Variants in GCNT2 observed in about 807,000 individuals in gnomAD.
The protein encoded by GCNT2 is N-acetyllactosaminide beta-1,6-N-acetylglucosaminyl-transferase.
In GCNT2, 34 loss-of-function variants were observed where a neutral mutation model predicts 34.2. The observed-to-expected ratio is 1.00, with a 90% CI of 0.76 to 1.32. The LOEUF (loss-of-function observed/expected upper bound fraction) is 1.32. Among genes scored for constraint, GCNT2 ranks in the 40% most tolerant of loss-of-function variants. The pLI, the probability that GCNT2 is intolerant of heterozygous loss-of-function variation, is 0.00. For synonymous variants in GCNT2, 212 were observed against 188.0 expected (o/e 1.13, Z -1.04); for missense variants, 584 against 489.4 (o/e 1.19, Z -1.82).
intron 3 of GCNT2, among the ~76,000 whole-genome samples, chr6:10,620,742 C>G (rs1359565600): frequency 2.0e-5 from 3 of 152,094 alleles, no homozygotes; most frequent in Non-Finnish European, 4.4e-5. Flanking sequence ...ATTAAATAGA[C>G]CCTTCAATCT....
chr6:10,617,504 A>G (rs1581489884), intron 3 of GCNT2, among the ~76,000 whole-genome samples: 3 of 152,316 alleles, frequency 2.0e-5, no homozygotes, highest in African/African-American at 7.2e-5. Context: ...AAGTGGGGCC[A>G]GAGTGGGTGC....
chr6:10,602,623 A>T (rs1342804840), intron 3 of GCNT2, among the ~76,000 whole-genome samples: 1 of 151,906 alleles, frequency 6.6e-6, no homozygotes, highest in Non-Finnish European at 1.5e-5. Context: ...ACAACTTTTG[A>T]CCTGTCTCGG....
intron 3 of GCNT2, among the ~76,000 whole-genome samples, chr6:10,602,702 C>T (rs1231963539): frequency 6.6e-6 from 1 of 152,158 alleles, no homozygotes; most frequent in Non-Finnish European, 1.5e-5. Flanking sequence ...GCTGCTCGTA[C>T]ATGGAATTGG....
At chr6:10,560,749 T>C (rs1373224390) in intron 3 of GCNT2, among the ~76,000 whole-genome samples, 1 of 152,170 alleles carries the variant, frequency 6.6e-6, no homozygotes, top group Non-Finnish European at 1.5e-5. Flanking sequence ...CTTTTTTTTT[T>C]CTTGGTGCCT....
intron 3 of GCNT2, among the ~76,000 whole-genome samples, chr6:10,534,298 C>T (rs572936117): frequency 2.4e-4 from 37 of 152,048 alleles, no homozygotes; most frequent in African/African-American, 8.4e-4. Context: ...CATGACACCA[C>T]GCTTGGCTAA....
intron 3 of GCNT2, chr6:10,586,577 C>T: frequency 6.2e-7 from 1 of 1,614,114 alleles, no homozygotes; most frequent in South Asian, 1.1e-5. Context: ...AAGACTTCCC[C>T]CTGAAAACCA....
intron 3 of GCNT2, among the ~76,000 whole-genome samples, chr6:10,595,582 T>G (rs1440865242): frequency 6.6e-6 from 1 of 152,130 alleles, no homozygotes; most frequent in Non-Finnish European, 1.5e-5. Flanking sequence ...GCCGGTTGGT[T>G]GGGTTGCTTT....
At position 10,529,121 on chromosome 6, in the gene GCNT2, T is replaced by G; in HGVS notation, c.210T>G (p.Asp70Glu). ...AAAATGCATTGAAAACTACCCTTGA[T>G]GAAGCTACCTGCTATGAGTACATGG... Reference protein sequence around the residue: ...PTENALKTTLDEATCYEYMVR... With the variant: ...PTENALKTTLEEATCYEYMVR... Residue 70 changes from aspartate to glutamate, a missense_variant, in exon 3 of 5, where the codon GAT becomes GAG. By Grantham distance (45) the Asp-to-Glu change is conservative. Transcript: ENST00000495262. 6.2e-7 allele frequency: 1 copy of G among 1,614,128 alleles called. No homozygotes were observed. Among genetic ancestry groups the G allele is most frequent in the South Asian group, 1.1e-5 (1 of 91,074 alleles).
At chr6:10,624,374 G>C (rs572027922) in intron 4 of GCNT2, among the ~76,000 whole-genome samples, 1 of 152,092 alleles carries the variant, frequency 6.6e-6, no homozygotes, top group Non-Finnish European at 1.5e-5. Context: ...AAAACAGAAT[G>C]AGAGCCAAGA....
chr6:10,610,406 A>G (rs1338839594), intron 3 of GCNT2, among the ~76,000 whole-genome samples: 1 of 152,200 alleles, frequency 6.6e-6, no homozygotes, highest in Non-Finnish European at 1.5e-5. Flanking sequence ...TATAATTAGA[A>G]GAGTGTTTGA....
rs1766305615 is a variant in GCNT2, at chr6:10,627,382, CAT to C, written c.*777_*778del. Reference sequence around the variant, plus strand: ...TATGCATTCAAGAGAGGTGCTATCACATAGATCTAGTCTGAAGTCTGGAACAC... The same window carrying C: ...TATGCATTCAAGAGAGGTGCTATCACAGATCTAGTCTGAAGTCTGGAACAC... On this transcript the variant is annotated 3_prime_UTR_variant, in exon 5 of 5. Coordinates refer to ENST00000495262, the MANE Select transcript of GCNT2 (RefSeq NM_145649.5). 6.6e-6 allele frequency: 1 copy of C among 152,222 alleles called. No individual in the cohort carries two copies. The highest frequency in any genetic ancestry group is 2.4e-5 in the African/African-American group (1 of 41,436). 9.4% of individuals were successfully genotyped at this position (152,222 alleles called of 1,614,324 possible).
chr6:10,579,830 A>AC (rs1554133180), intron 3 of GCNT2, among the ~76,000 whole-genome samples: 6 of 112,020 alleles, frequency 5.4e-5, no homozygotes, highest in Admixed American at 1.6e-4. Context: ...AACAAACAAA[A>AC]AAAAAAAAAA....
At chr6:10,586,667 T>C in intron 3 of GCNT2, 1 of 1,614,196 alleles carries the variant, frequency 6.2e-7, no homozygotes, top group East Asian at 2.2e-5. Context: ...ACCATGCAAT[T>C]AAGCGAACTA....
At chr6:10,607,888 G>C (rs1353832411) in intron 3 of GCNT2, among the ~76,000 whole-genome samples, 1 of 152,102 alleles carries the variant, frequency 6.6e-6, no homozygotes, top group South Asian at 2.1e-4. Context: ...CTGAGGAACA[G>C]AGAGATTAGA....
intron 3 of GCNT2, among the ~76,000 whole-genome samples, chr6:10,553,343 T>C (rs950470664): frequency 6.6e-6 from 1 of 152,180 alleles, no homozygotes; most frequent in East Asian, 1.9e-4. Flanking sequence ...TTCCACCTCC[T>C]TCACTAGTTG....
At chr6:10,567,456 CAAAG>C (rs1763335261) in intron 3 of GCNT2, among the ~76,000 whole-genome samples, 1 of 151,974 alleles carries the variant, frequency 6.6e-6, no homozygotes, top group African/African-American at 2.4e-5. Context: ...GATGCTATCT[CAAAG>C]AAAAAGAAAA....
intron 3 of GCNT2, among the ~76,000 whole-genome samples, chr6:10,534,139 C>CTTTTTTTTTTTTTTTATTTTT (rs1491129469): frequency 8.1e-6 from 1 of 123,152 alleles, no homozygotes; most frequent in Admixed American, 8.8e-5. Flanking sequence ...TTCCATGCTG[C>CTTTTTTTTTTTTTTTATTTTT]TCTTTTTTTT....
chr6:10,609,954 G>A (rs1765480815), intron 3 of GCNT2, among the ~76,000 whole-genome samples: 1 of 152,128 alleles, frequency 6.6e-6, no homozygotes, highest in Admixed American at 6.5e-5. Flanking sequence ...ATCAGACACA[G>A]GGTCAACCAT....
At chr6:10,596,002 C>G (rs1031374375) in intron 3 of GCNT2, among the ~76,000 whole-genome samples, 1 of 152,208 alleles carries the variant, frequency 6.6e-6, no homozygotes, top group Non-Finnish European at 1.5e-5. Flanking sequence ...GTAGCTTCCT[C>G]TTTTCAAAGA....
Sources: allele counts gnomAD v4.1 joint callset (sites outside exome capture counted in the v4.1 genomes callset), GRCh38; gene constraint gnomAD v4.1.1; transcripts MANE v1.5; gene names NCBI Gene and HGNC (gene_info 2026-07-23, HGNC 2026-07-21).